The following MYH11 variants were observed in gnomAD, a reference collection of about 807,000 sequenced individuals.
MYH11 encodes myosin heavy chain 11, also known as myosin-11.
A neutral mutation model predicts 246.6 loss-of-function variants in MYH11; 80 were observed. The observed-to-expected ratio is 0.32, with a 90% CI of 0.27 to 0.39. The LOEUF (loss-of-function observed/expected upper bound fraction) is 0.39, where lower values mean the gene tolerates loss of function less well. Ranked by LOEUF, MYH11 falls within the 10% of genes least tolerant of loss-of-function variation. The probability of loss-of-function intolerance (pLI) is 1.00; values close to 1 mark genes in which losing one functional copy is unlikely to be tolerated. For missense variants in MYH11, 2,158 were observed against 2,546.8 expected (o/e 0.85, Z 3.29); for synonymous variants, 1,071 against 1,015.5 (o/e 1.05, Z -1.04).
chr16:15,772,935 G>A (rs1199606453), intron 8 of MYH11, among the ~76,000 whole-genome samples: 1 of 152,064 alleles, frequency 6.6e-6, no homozygotes, highest in Non-Finnish European at 1.5e-5. Context: ...ACCCCCCGAT[G>A]GGACTGCAGG....
At chr16:15,834,331 A>T (rs2043832308) in intron 2 of MYH11, among the ~76,000 whole-genome samples, 1 of 152,118 alleles carries the variant, frequency 6.6e-6, no homozygotes, top group South Asian at 2.1e-4. Context: ...GTTGGAGACC[A>T]GCCTAGCCAA....
intron 1 of MYH11, among the ~76,000 whole-genome samples, chr16:15,854,204 C>G (rs1200582761): frequency 6.6e-6 from 1 of 152,128 alleles, no homozygotes; most frequent in South Asian, 2.1e-4. Flanking sequence ...TCTCCTTTAA[C>G]GGCCACATAG....
chr16:15,720,425 G>A, intron 33 of MYH11, 113 bp from the exon 34 acceptor site: 1 of 1,401,132 alleles, frequency 7.1e-7, no homozygotes, highest in Non-Finnish European at 9.8e-7. Flanking sequence ...TTGTGAGGTG[G>A]GCATCTCATC....
chr16:15,854,500 T>C (rs2044410818), intron 1 of MYH11, among the ~76,000 whole-genome samples: 1 of 152,160 alleles, frequency 6.6e-6, no homozygotes, highest in Non-Finnish European at 1.5e-5. Flanking sequence ...TAAAGCCAGT[T>C]AGAATAACAG....
At position 15,798,682 on chromosome 16, in the gene MYH11, C is replaced by T. The variant is rs766315580; in HGVS notation, c.508G>A (p.Glu170Lys). Reference sequence around the variant, plus strand: ...TACGTGCATAGAATGGACTGGTCCTCCCGATCTGCAAACAGAAAGAAGAAA... The same window carrying T: ...TACGTGCATAGAATGGACTGGTCCTTCCGATCTGCAAACAGAAAGAAGAAA... Reference protein sequence around the residue: ...TAYRSMLQDREDQSILCTGES... With the variant: ...TAYRSMLQDRKDQSILCTGES... Residue 170 changes from glutamate to lysine, a missense_variant, in exon 4 of 41, where the codon GAG becomes AAG. Glu to Lys is a moderately conservative substitution (Grantham distance 56, BLOSUM62 1). Around this residue, in one of 11 missense-constraint regions of MYH11, gnomAD observed 123 missense variants for 207.1 expected, o/e 0.59. Coordinates refer to ENST00000300036, the MANE Select transcript of MYH11 (RefSeq NM_002474.3). 2.3e-5 allele frequency: 37 copies of T among 1,612,294 alleles called. No individual in the cohort carries two copies. The highest frequency in any genetic ancestry group is 4.2e-6 in the Non-Finnish European group (5 of 1,179,782).
chr16:15,766,342 T>C (rs2041978984), intron 9 of MYH11, among the ~76,000 whole-genome samples: 2 of 138,944 alleles, frequency 1.4e-5, no homozygotes, highest in African/African-American at 5.5e-5. Context: ...CCCATGTTTT[T>C]TGGTGTGTGT....
chr16:15,790,054 C>T (rs868770606), intron 4 of MYH11, among the ~76,000 whole-genome samples: 2 of 152,210 alleles, frequency 1.3e-5, no homozygotes, highest in South Asian at 2.1e-4. Flanking sequence ...CCTGTCATCC[C>T]GGTACTTTGG....
chr16:15,727,761 C>T (rs911481430), intron 27 of MYH11, among the ~76,000 whole-genome samples: 7 of 152,160 alleles, frequency 4.6e-5, no homozygotes, highest in Non-Finnish European at 1.0e-4. Flanking sequence ...TCGCTTAAGG[C>T]CAGGAGTACA....
At chr16:15,835,779 G>C (rs903715546) in intron 2 of MYH11, among the ~76,000 whole-genome samples, 2 of 142,676 alleles carry the variant, frequency 1.4e-5, no homozygotes, top group African/African-American at 5.2e-5. Flanking sequence ...AAACAGACAA[G>C]GTCTTGCTCT....
At chr16:15,827,742 G>A (rs1239722768) in intron 2 of MYH11, among the ~76,000 whole-genome samples, 2 of 152,214 alleles carry the variant, frequency 1.3e-5, no homozygotes, top group East Asian at 3.8e-4. Flanking sequence ...CAGCTTCCTG[G>A]GAGCAGGGAC....
rs57451847 is a variant in MYH11, at chr16:15,705,984, CAAAAAAAAA to C, written c.5787-1870_5787-1862del. Among the ~76,000 whole-genome samples the C allele has an allele frequency of 8.1e-4, 46 of 56,766 alleles. 1 individual carries two copies. The highest frequency in any genetic ancestry group is 1.6e-3 in the Admixed American group (7 of 4,436). The allele number at this position is 56,766 out of a possible 152,430, so 37.2% of individuals were successfully genotyped here. A position where few individuals can be genotyped will look rare whatever the true frequency, so the allele number is the denominator to read the frequency against. On this transcript the variant is annotated intron_variant, in intron 40 of 40. Transcript: ENST00000300036. Reference sequence around the variant, plus strand: ...TAGGCGACAGGGTGAGACTCCGTCTCAAAAAAAAAAAAAAAAAAAAATCAAGGCCCAGAG... The same window carrying C: ...TAGGCGACAGGGTGAGACTCCGTCTCAAAAAAAAAAAATCAAGGCCCAGAG...
At chr16:15,796,710 T>C (rs1356601428) in intron 4 of MYH11, among the ~76,000 whole-genome samples, 3 of 152,026 alleles carry the variant, frequency 2.0e-5, no homozygotes, top group East Asian at 1.9e-4. Context: ...GGGGCTAATA[T>C]AACCACAAAG....
chr16:15,830,311 C>G (rs566896551), intron 2 of MYH11, among the ~76,000 whole-genome samples: 1 of 152,150 alleles, frequency 6.6e-6, no homozygotes. Flanking sequence ...TAGAGACAGA[C>G]GTGGTCCACC....
At chr16:15,851,660 T>C (rs1259828631) in intron 1 of MYH11, among the ~76,000 whole-genome samples, 1 of 152,130 alleles carries the variant, frequency 6.6e-6, no homozygotes, top group East Asian at 1.9e-4. Context: ...AAGAAAGCCC[T>C]ACTTCACTTT....
Position 15,763,886 on chromosome 16 carries a change from A to G in MYH11, c.1039T>C (p.Leu347=), listed in dbSNP as rs1325689400. 2 of 1,612,212 alleles carry G rather than the reference A, an allele frequency of 1.2e-6. No individual in the cohort carries two copies. The highest frequency in any genetic ancestry group is 1.7e-6 in the Non-Finnish European group (2 of 1,178,360). ...TGCAGGACCGATGATACCACCTTCA[A>G]TATGGCTGAGGTGGGGAGAGAAGGG... ...GFSEEEQLSI[L]KVVSSVLQLG... The change falls in exon 10 of 41, where the codon TTG becomes CTG. Residue 347 remains leucine, a synonymous_variant. Transcript: ENST00000300036.
At chr16:15,751,636 C>G (rs1179996190) in intron 15 of MYH11, among the ~76,000 whole-genome samples, 1 of 121,346 alleles carries the variant, frequency 8.2e-6, no homozygotes, top group African/African-American at 3.4e-5. Context: ...TTTTTTGAGA[C>G]AAGCTCTCAC....
At chr16:15,771,986 T>C (rs1366568615) in intron 8 of MYH11, among the ~76,000 whole-genome samples, 1 of 151,822 alleles carries the variant, frequency 6.6e-6, no homozygotes, top group Admixed American at 6.6e-5. Flanking sequence ...CGAAGTTACA[T>C]TTACCTGGAG....
intron 2 of MYH11, among the ~76,000 whole-genome samples, chr16:15,837,273 T>C (rs2043921804): frequency 6.6e-6 from 1 of 152,188 alleles, no homozygotes; most frequent in Admixed American, 6.5e-5. Context: ...TCTTCTTTAC[T>C]TTCAAGAGGA....
chr16:15,836,256 T>C (rs963862661), intron 2 of MYH11, among the ~76,000 whole-genome samples: 9 of 151,980 alleles, frequency 5.9e-5, no homozygotes, highest in African/African-American at 2.2e-4. Context: ...GTCCAAGCAG[T>C]CCAACAGAAC....
Sources: gnomAD v4.1 joint callset for allele counts (sites outside exome capture counted in the v4.1 genomes callset) on GRCh38, gnomAD v4.1.1 for gene constraint, gnomAD v4.1.1 regional missense constraint, MANE v1.5 for transcripts, NCBI Gene and HGNC (gene_info 2026-07-23, HGNC 2026-07-21) for gene names.